The following RANBP2 variants were observed in gnomAD, a reference collection of about 807,000 sequenced individuals.
The protein encoded by RANBP2 is RAN binding protein 2, also known as E3 SUMO-protein ligase RanBP2.
RANBP2 carries 57 observed loss-of-function variants against 303.6 expected under a neutral mutation model. The ratio of observed to expected loss-of-function variants is 0.19; its 90% CI spans 0.15 to 0.23. The LOEUF (loss-of-function observed/expected upper bound fraction) is 0.23. RANBP2 is among the 10% of genes least tolerant of loss of function. RANBP2 has a pLI of 1.00. For missense variants in RANBP2, 3,138 were observed against 3,780.8 expected (o/e 0.83, Z 4.46); for synonymous variants, 1,167 against 1,301.5 (o/e 0.90, Z 2.23).
the RANBP2 span, among the ~76,000 whole-genome samples, chr2:109,155,870 G>A: frequency 4.6e-5 from 7 of 152,208 alleles, no homozygotes; most frequent in South Asian, 1.4e-3. Context: ...TAACTATTTT[G>A]GTAGCTGTCT....
the RANBP2 span, among the ~76,000 whole-genome samples, chr2:109,653,569 C>A: frequency 2.6e-5 from 4 of 152,108 alleles, no homozygotes; most frequent in African/African-American, 7.2e-5. Flanking sequence ...GTCATTCTTG[C>A]AGGGCTGGCC....
At chr2:109,189,471 C>A in the RANBP2 span, among the ~76,000 whole-genome samples, 1 of 151,522 alleles carries the variant, frequency 6.6e-6, no homozygotes, top group Non-Finnish European at 1.5e-5. Flanking sequence ...TGGGTTCAAG[C>A]AATTCTTTTG....
the RANBP2 span, among the ~76,000 whole-genome samples, chr2:109,358,723 G>T: frequency 5.3e-5 from 8 of 152,154 alleles, no homozygotes; most frequent in East Asian, 1.9e-4. Flanking sequence ...TTTTCTCCCA[G>T]TCTGTAGCGT....
intron 18 of RANBP2, among the ~76,000 whole-genome samples, chr2:108,761,752 C>T (rs1451708510): frequency 4.6e-5 from 7 of 152,180 alleles, no homozygotes; most frequent in East Asian, 1.9e-4. Context: ...TGGTTCCTTA[C>T]GTCCTTTCTG....
the RANBP2 span, among the ~76,000 whole-genome samples, chr2:108,871,711 AATTG>A: frequency 6.6e-6 from 1 of 152,150 alleles, no homozygotes; most frequent in Non-Finnish European, 1.5e-5. Context: ...TTCTACACAG[AATTG>A]ATTGACTTCC....
the RANBP2 span, chr2:108,930,139 G>C: frequency 6.2e-7 from 1 of 1,613,872 alleles, no homozygotes. Flanking sequence ...CTCCTCTCCC[G>C]GCCCACACGG....
intron 1 of RANBP2, among the ~76,000 whole-genome samples, chr2:108,725,381 A>G (rs1315617686): frequency 2.0e-5 from 3 of 152,230 alleles, no homozygotes; most frequent in East Asian, 3.8e-4. Flanking sequence ...GTCTACTTTA[A>G]TAACATAGTT....
the RANBP2 span, among the ~76,000 whole-genome samples, chr2:109,521,066 A>T: frequency 6.6e-6 from 1 of 151,332 alleles, no homozygotes; most frequent in African/African-American, 2.4e-5. Context: ...AAATACAAAA[A>T]ATTAGCCGGG....
At chr2:109,441,132 C>CAAAAAAAAAAAA in the RANBP2 span, among the ~76,000 whole-genome samples, 231 of 133,958 alleles carry the variant, frequency 1.7e-3, 3 homozygotes, top group African/African-American at 6.4e-3. Context: ...TATAGGAATA[C>CAAAAAAAAAAAA]AAAAAAAAAA....
the RANBP2 span, among the ~76,000 whole-genome samples, chr2:109,442,525 A>G: frequency 6.6e-6 from 1 of 152,162 alleles, no homozygotes; most frequent in Non-Finnish European, 1.5e-5. Flanking sequence ...AGTGAAAGCA[A>G]TCTAGTTTGG....
chr2:109,527,797 T>G, the RANBP2 span, among the ~76,000 whole-genome samples: 2 of 152,214 alleles, frequency 1.3e-5, no homozygotes, highest in Admixed American at 1.3e-4. Context: ...TTAGCAAGTT[T>G]GCTTTGCAAC....
At chr2:109,162,352 G>A in the RANBP2 span, among the ~76,000 whole-genome samples, 12 of 152,048 alleles carry the variant, frequency 7.9e-5, no homozygotes, top group African/African-American at 1.7e-4. Context: ...TCAGAGAGCC[G>A]GGCCTCTCTC....
the RANBP2 span, among the ~76,000 whole-genome samples, chr2:109,494,050 C>T: frequency 3.5e-3 from 533 of 152,280 alleles, 4 homozygotes; most frequent in African/African-American, 0.012. Context: ...TCTGCCGGCT[C>T]GTGAGAATGA....
At chr2:109,742,679 T>G in the RANBP2 span, among the ~76,000 whole-genome samples, 5 of 144,940 alleles carry the variant, frequency 3.4e-5, no homozygotes. Context: ...GATTCTAAAG[T>G]TTATATAAAG....
chr2:109,418,553 C>T, the RANBP2 span, among the ~76,000 whole-genome samples: 24 of 152,278 alleles, frequency 1.6e-4, no homozygotes, highest in African/African-American at 5.8e-4. Context: ...GCTTCCTTCC[C>T]CTCCACATCC....
chr2:109,760,804 G>GGGAGCGGCGA, the RANBP2 span, among the ~76,000 whole-genome samples: 1 of 139,906 alleles, frequency 7.1e-6, no homozygotes, highest in Non-Finnish European at 1.6e-5. Flanking sequence ...TCGGGCGGGC[G>GGGAGCGGCGA]GGAGCGGCGA....
chr2:108,891,291 GCTT>G, the RANBP2 span, among the ~76,000 whole-genome samples: 11 of 152,164 alleles, frequency 7.2e-5, no homozygotes, highest in African/African-American at 2.4e-4. Flanking sequence ...TGTAACTGTT[GCTT>G]CTTCTTGTTT....
chr2:108,732,168 C>A (rs958960644), intron 4 of RANBP2, among the ~76,000 whole-genome samples: 6 of 151,832 alleles, frequency 4.0e-5, no homozygotes, highest in African/African-American at 1.5e-4. Context: ...TCCTTCTATC[C>A]CCATTATATA....
chr2:109,108,096 G>A, the RANBP2 span, among the ~76,000 whole-genome samples: 11 of 152,142 alleles, frequency 7.2e-5, no homozygotes, highest in African/African-American at 2.7e-4. Flanking sequence ...TAGTAGAGAC[G>A]GGGTTTCACC....
Sources: gnomAD v4.1 joint callset for allele counts (sites outside exome capture counted in the v4.1 genomes callset) on GRCh38, gnomAD v4.1.1 for gene constraint, MANE v1.5 for transcripts, NCBI Gene and HGNC (gene_info 2026-07-23, HGNC 2026-07-21) for gene names.